The following FNIP2 variants were observed in gnomAD, a reference collection of about 807,000 sequenced individuals.
The protein encoded by FNIP2 is folliculin-interacting protein 2.
FNIP2 carries 32 observed loss-of-function variants against 108.7 expected under a neutral mutation model. The observed-to-expected ratio is 0.29, with a 90% CI of 0.22 to 0.40. The LOEUF (loss-of-function observed/expected upper bound fraction) is 0.40. Ranked by LOEUF, FNIP2 falls within the 10% of genes least tolerant of loss-of-function variation. The pLI, the probability that FNIP2 is intolerant of heterozygous loss-of-function variation, is 1.00. For synonymous variants in FNIP2, 480 were observed against 496.7 expected (o/e 0.97, Z 0.45); for missense variants, 1,202 against 1,381.6 (o/e 0.87, Z 2.06).
intron 1 of FNIP2, among the ~76,000 whole-genome samples, chr4:158,818,007 G>A (rs1777669958): frequency 6.6e-6 from 1 of 152,214 alleles, no homozygotes; most frequent in South Asian, 2.1e-4. Context: ...GTGGCATGTG[G>A]GTAGTGGTGC....
At chr4:158,833,655 T>C (rs1037262922) in intron 6 of FNIP2, 27 bp downstream of exon 6, 1 of 1,577,604 alleles carries the variant, frequency 6.3e-7, no homozygotes, top group Non-Finnish European at 8.7e-7. Flanking sequence ...AAACAAATTC[T>C]TTCTTTCTGA....
At position 158,855,954 on chromosome 4, in the gene FNIP2, T is replaced by C. The variant is rs547693578; in HGVS notation, c.858-3103T>C. On this transcript the variant is annotated intron_variant, in intron 8 of 16. Coordinates refer to ENST00000264433, the MANE Select transcript of FNIP2 (RefSeq NM_020840.3). ...GCAGGGATGATAGTCACAGTTTCTG[T>C]TTTTTGTTAGAATCGGGCAACACTT... is the stretch of plus-strand genomic sequence containing the variant. Among the ~76,000 whole-genome samples, 6 of 152,324 alleles carry C rather than the reference T, an allele frequency of 3.9e-5. No individual in the cohort carries two copies. In the South Asian group the frequency reaches 1.2e-3, roughly 32 times the overall value.
At chr4:158,848,575 A>G (rs1045022510) in intron 7 of FNIP2, among the ~76,000 whole-genome samples, 3 of 152,206 alleles carry the variant, frequency 2.0e-5, no homozygotes, top group African/African-American at 7.2e-5. Flanking sequence ...ACTGACTGAC[A>G]TCTACAAGCA....
At chr4:158,786,667 T>C (rs560203151) in intron 1 of FNIP2, among the ~76,000 whole-genome samples, 1 of 152,320 alleles carries the variant, frequency 6.6e-6, no homozygotes, top group African/African-American at 2.4e-5. Context: ...GTTTTTATTT[T>C]TAAAAAAAAC....
intron 6 of FNIP2, 177 bp from the exon 7 acceptor site, chr4:158,835,225 CTTT>C (rs1386843280): frequency 5.8e-6 from 2 of 347,086 alleles, no homozygotes; most frequent in African/African-American, 4.2e-5. Context: ...ACTTGGTTCT[CTTT>C]TCTTCTCATC....
intron 1 of FNIP2, among the ~76,000 whole-genome samples, chr4:158,800,980 A>T (rs1022551284): frequency 1.3e-5 from 2 of 152,220 alleles, no homozygotes; most frequent in Non-Finnish European, 1.5e-5. Flanking sequence ...GGAACTGCAC[A>T]TCTTCCTGAA....
At chr4:158,878,558 C>T (rs1156294156) in intron 14 of FNIP2, among the ~76,000 whole-genome samples, 4 of 152,168 alleles carry the variant, frequency 2.6e-5, no homozygotes, top group Non-Finnish European at 5.9e-5. Context: ...ACCTTTAGGA[C>T]TCTGGCAGAA....
chr4:158,798,558 T>G (rs960926091), intron 1 of FNIP2, among the ~76,000 whole-genome samples: 5 of 152,244 alleles, frequency 3.3e-5, no homozygotes, highest in African/African-American at 1.2e-4. Context: ...CACTATCATG[T>G]AAACTTCATA....
At chr4:158,883,427 G>C (rs868168059) in intron 14 of FNIP2, among the ~76,000 whole-genome samples, 23 of 152,062 alleles carry the variant, frequency 1.5e-4, no homozygotes, top group African/African-American at 5.3e-4. Flanking sequence ...ATTTTTAGTA[G>C]AGACGGGGTT....
At chr4:158,774,952 C>T (rs1048497552) in intron 1 of FNIP2, among the ~76,000 whole-genome samples, 5 of 152,212 alleles carry the variant, frequency 3.3e-5, no homozygotes, top group African/African-American at 7.2e-5. Context: ...AAGAGATGGA[C>T]GGAGGCATGT....
At chr4:158,801,180 G>C (rs1776749756) in intron 1 of FNIP2, among the ~76,000 whole-genome samples, 1 of 152,132 alleles carries the variant, frequency 6.6e-6, no homozygotes, top group African/African-American at 2.4e-5. Flanking sequence ...GTGGAGGGCA[G>C]AGCAGAATCC....
chr4:158,869,886 A>G (rs1333093800), intron 13 of FNIP2, among the ~76,000 whole-genome samples: 1 of 152,218 alleles, frequency 6.6e-6, no homozygotes, highest in Admixed American at 6.5e-5. Flanking sequence ...TTAACACTCC[A>G]TCAGGTTGAT....
At chr4:158,826,895 T>C (rs978536432) in intron 2 of FNIP2, among the ~76,000 whole-genome samples, 15 of 152,232 alleles carry the variant, frequency 9.9e-5, no homozygotes, top group African/African-American at 3.6e-4. Flanking sequence ...TTGCTACCCA[T>C]ACTGACCAAA....
intron 16 of FNIP2, among the ~76,000 whole-genome samples, chr4:158,897,458 A>G (rs181902461): frequency 6.6e-6 from 1 of 152,394 alleles, no homozygotes; most frequent in East Asian, 1.9e-4. Context: ...ACTCCCATCA[A>G]CAGTGTAAAA....
intron 1 of FNIP2, among the ~76,000 whole-genome samples, chr4:158,825,581 T>G (rs1483401344): frequency 6.6e-6 from 1 of 152,196 alleles, no homozygotes. Flanking sequence ...GCATCCAAAT[T>G]TAGTCTTCTC....
chr4:158,885,340 A>G (rs1781971951), intron 14 of FNIP2, among the ~76,000 whole-genome samples: 6 of 152,154 alleles, frequency 3.9e-5, no homozygotes, highest in Admixed American at 2.6e-4. Flanking sequence ...GGAACTGAAT[A>G]TGTACAGATT....
At chr4:158,858,214 TAGAAAG>T (rs1780096658) in intron 8 of FNIP2, among the ~76,000 whole-genome samples, 1 of 152,184 alleles carries the variant, frequency 6.6e-6, no homozygotes, top group Admixed American at 6.5e-5. Flanking sequence ...ATGATGGAGT[TAGAAAG>T]AGAAAATGTA....
chr4:158,802,053 CTT>C (rs1335551500), intron 1 of FNIP2, among the ~76,000 whole-genome samples: 1 of 152,178 alleles, frequency 6.6e-6, no homozygotes, highest in Non-Finnish European at 1.5e-5. Flanking sequence ...TTTTAATAAA[CTT>C]TGATTGAATT....
At chr4:158,786,809 A>G (rs987774613) in intron 1 of FNIP2, among the ~76,000 whole-genome samples, 1 of 152,170 alleles carries the variant, frequency 6.6e-6, no homozygotes, top group African/African-American at 2.4e-5. Flanking sequence ...ATTTTTATGT[A>G]GGGTTTCTTT....
Sources: gnomAD v4.1 joint callset for allele counts (sites outside exome capture counted in the v4.1 genomes callset) on GRCh38, gnomAD v4.1.1 for gene constraint, MANE v1.5 for transcripts, NCBI Gene and HGNC (gene_info 2026-07-23, HGNC 2026-07-21) for gene names.